The following OR2L13 variants were observed in gnomAD, a reference collection of about 807,000 sequenced individuals.
OR2L13 encodes olfactory receptor family 2 subfamily L member 13.
In OR2L13, 14 loss-of-function variants were observed where a neutral mutation model predicts 15.3. The ratio of observed to expected loss-of-function variants is 0.91; its 90% CI spans 0.60 to 1.43. The LOEUF (loss-of-function observed/expected upper bound fraction) is 1.43. Ranked by LOEUF, OR2L13 falls within the 40% of genes most tolerant of loss-of-function variation. OR2L13 has a pLI of 0.00. For synonymous variants in OR2L13, 152 were observed against 142.9 expected (o/e 1.06, Z -0.45); for missense variants, 367 against 387.9 (o/e 0.95, Z 0.45).
At chr1:247,965,840 A>G in the OR2L13 span, 234 of 1,613,408 alleles carry the variant, frequency 1.5e-4, 1 homozygote, top group East Asian at 2.0e-3. Context: ...GGTTCTATCA[A>G]TGCTTTCATA....
the OR2L13 span, chr1:248,060,950 C>T: frequency 1.2e-5 from 20 of 1,613,880 alleles, no homozygotes; most frequent in Non-Finnish European, 1.5e-5. Flanking sequence ...GGTAACAAGT[C>T]TATCTCCTTC....
At chr1:248,100,086 C>T (rs1229434971) in exon 3 of OR2L13, 3 of 1,613,988 alleles carry the variant, frequency 1.9e-6, no homozygotes, top group African/African-American at 2.7e-5. Flanking sequence ...AAAAGGCCTT[C>T]ACCACCATTT....
the OR2L13 span, among the ~76,000 whole-genome samples, chr1:247,981,817 A>ATT: frequency 2.2e-3 from 318 of 143,278 alleles, 1 homozygote; most frequent in African/African-American, 7.5e-3. Context: ...CATAATAACA[A>ATT]TTTTTTTTTT....
the OR2L13 span, among the ~76,000 whole-genome samples, chr1:248,010,356 A>T: frequency 1.3e-5 from 2 of 152,172 alleles, no homozygotes; most frequent in African/African-American, 2.4e-5. Context: ...ATGTTGGGTC[A>T]GTTTAAGAAG....
chr1:247,945,834 T>C, the OR2L13 span, among the ~76,000 whole-genome samples: 3 of 152,218 alleles, frequency 2.0e-5, no homozygotes, highest in Admixed American at 1.3e-4. Flanking sequence ...TTTTTCCTTC[T>C]TTCCATTCAC....
At chr1:247,952,845 C>T in the OR2L13 span, among the ~76,000 whole-genome samples, 1 of 152,086 alleles carries the variant, frequency 6.6e-6, no homozygotes, top group East Asian at 1.9e-4. Flanking sequence ...TCTGACATAC[C>T]ATGGCCTTGG....
At chr1:248,006,752 AG>A in the OR2L13 span, among the ~76,000 whole-genome samples, 1 of 151,968 alleles carries the variant, frequency 6.6e-6, no homozygotes, top group Non-Finnish European at 1.5e-5. Flanking sequence ...GGCTTGAGAG[AG>A]CTTGTTTGTG....
At position 248,100,193 on chromosome 1, in the gene OR2L13, T is replaced by G. The variant is rs74153072; in HGVS notation, c.818T>G (p.Leu273Arg). 0.011 allele frequency: 17,628 copies of G among 1,613,566 alleles called. 1,646 individuals are homozygous for G. The African/African-American group carries it at 0.21, about 19-fold the overall frequency. Residue 273 changes from leucine (L) to arginine (R), a missense_variant, in exon 3 of 3, where the codon CTG becomes CGG. Transcript: ENST00000641714. ...CGCTCACCAGCTGAAGACAAGATCC[T>G]GGCAGTCTTCTACACCATCCTTACC...
chr1:247,962,614 T>A, the OR2L13 span, among the ~76,000 whole-genome samples: 1 of 152,242 alleles, frequency 6.6e-6, no homozygotes, highest in South Asian at 2.1e-4. Context: ...AAAATCTAAC[T>A]ATCACATTAT....
At chr1:248,074,867 G>A in the OR2L13 span, among the ~76,000 whole-genome samples, 4,022 of 151,360 alleles carry the variant, frequency 0.027, 119 homozygotes, top group East Asian at 0.16. Context: ...AGACATAGAC[G>A]AAAATCTTCT....
At chr1:248,003,472 G>T in the OR2L13 span, 1 of 1,609,358 alleles carries the variant, frequency 6.2e-7, no homozygotes, top group South Asian at 1.1e-5. Flanking sequence ...CGCTACTCCT[G>T]ATATCAATGG....
At chr1:248,013,378 C>A in the OR2L13 span, among the ~76,000 whole-genome samples, 5 of 152,224 alleles carry the variant, frequency 3.3e-5, no homozygotes, top group East Asian at 9.7e-4. Context: ...CCTTGACATG[C>A]CTTGAAGCAT....
exon 3 of OR2L13, chr1:248,100,490 A>G (rs1023349330): frequency 7.7e-5 from 25 of 326,668 alleles, no homozygotes; most frequent in Admixed American, 2.2e-4. Context: ...AATTAATATT[A>G]ATATTAACAA....
upstream of OR2L13, among the ~76,000 whole-genome samples, chr1:248,096,012 C>G (rs915729957): frequency 6.6e-6 from 1 of 151,956 alleles, no homozygotes; most frequent in African/African-American, 2.4e-5. Flanking sequence ...TCCTAGAAAG[C>G]TTTTTTGGAA....
the OR2L13 span, among the ~76,000 whole-genome samples, chr1:247,972,138 A>G: frequency 2.6e-5 from 4 of 152,202 alleles, 1 homozygote; most frequent in African/African-American, 9.7e-5. Flanking sequence ...AGGAAAACTG[A>G]TAGCACTAAA....
the OR2L13 span, among the ~76,000 whole-genome samples, chr1:248,004,445 A>AAAAC: frequency 6.6e-6 from 1 of 152,226 alleles, no homozygotes; most frequent in Admixed American, 6.5e-5. Flanking sequence ...GTTTATGTCT[A>AAAAC]AAACAAAAAA....
In OR2L13 at chr1:248,099,677, T is replaced by G. The variant is rs373511617; in HGVS notation, c.302T>G (p.Phe101Cys). Reference sequence around the variant, plus strand: ...TTCCTGGGATGTGGTGTGCAAAGCTTCTTCTTCCTGACCATGGCGTGTTCT... The same window carrying G: ...TTCCTGGGATGTGGTGTGCAAAGCTGCTTCTTCCTGACCATGGCGTGTTCT... The change falls in exon 3 of 3, where the codon TTC (phenylalanine) becomes TGC (cysteine). Residue 101 changes from phenylalanine (F) to cysteine (C), a missense_variant. Coordinates refer to ENST00000641714, the Ensembl canonical transcript of OR2L13. 149 of 1,613,948 alleles carry G rather than the reference T, an allele frequency of 9.2e-5. No homozygotes were observed. Among genetic ancestry groups the G allele is most frequent in the Non-Finnish European group, 1.2e-4 (146 of 1,179,946 alleles).
chr1:248,092,901 A>G (rs72763260), upstream of OR2L13, among the ~76,000 whole-genome samples: 2,036 of 152,300 alleles, frequency 0.013, 14 homozygotes, highest in Non-Finnish European at 0.021. Flanking sequence ...GTATGATTGA[A>G]TCTTTGACAG....
the OR2L13 span, among the ~76,000 whole-genome samples, chr1:248,028,618 G>C: frequency 6.6e-6 from 1 of 152,078 alleles, no homozygotes; most frequent in African/African-American, 2.4e-5. Flanking sequence ...AACAAGTTGT[G>C]GCCTACGATC....
Sources: gnomAD v4.1 joint callset for allele counts (sites outside exome capture counted in the v4.1 genomes callset) on GRCh38, gnomAD v4.1.1 for gene constraint, MANE v1.5 for transcripts, NCBI Gene and HGNC (gene_info 2026-07-23, HGNC 2026-07-21) for gene names.